Variants in ADAM12 observed in about 807,000 individuals in gnomAD.
ADAM12 encodes the protein disintegrin and metalloproteinase domain-containing protein 12.
In ADAM12, 70 loss-of-function variants were observed where a neutral mutation model predicts 106.4. That is an observed-to-expected ratio of 0.66 (90% CI 0.54 to 0.80). The LOEUF (loss-of-function observed/expected upper bound fraction) is 0.80. Ranked by LOEUF, ADAM12 falls within the 30% of genes least tolerant of loss-of-function variation. The probability of loss-of-function intolerance (pLI) is 0.00; values close to 1 mark genes in which losing one functional copy is unlikely to be tolerated. For synonymous variants in ADAM12, 420 were observed against 433.5 expected (o/e 0.97, Z 0.39); for missense variants, 1,010 against 1,171.9 (o/e 0.86, Z 2.02).
intron 2 of ADAM12, among the ~76,000 whole-genome samples, chr10:126,323,381 G>T (rs377695240): frequency 6.6e-6 from 1 of 152,218 alleles, no homozygotes; most frequent in African/African-American, 2.4e-5. Context: ...TTGGGGCGGT[G>T]TCCCAGGTAA....
intron 5 of ADAM12, among the ~76,000 whole-genome samples, chr10:126,120,486 C>T (rs964765481): frequency 1.3e-5 from 2 of 152,068 alleles, no homozygotes; most frequent in Non-Finnish European, 2.9e-5. Context: ...GAACAGACAA[C>T]GGTTTATGAC....
At position 126,296,768 on chromosome 10, in the gene ADAM12, T is replaced by C. The variant is rs1960399994; in HGVS notation, c.187-17780A>G. Among the ~76,000 whole-genome samples the C allele has an allele frequency of 3.9e-5, 6 of 152,356 alleles. No individual in the cohort carries two copies. The South Asian group carries it at 1.2e-3, about 32-fold the overall frequency. Reference sequence around the variant, plus strand: ...TGTCATCTAAAATGACCCCTCACTCTTTTTAATATGAACTGCTATTATACC... The same window carrying C: ...TGTCATCTAAAATGACCCCTCACTCCTTTTAATATGAACTGCTATTATACC... On this transcript the variant is annotated intron_variant, in intron 2 of 22. Coordinates refer to ENST00000448723, the MANE Select transcript of ADAM12 (RefSeq NM_001288973.2).
rs79476199 is a variant in ADAM12 at position 126,044,634 on chromosome 10, G to A, written c.1995+1421C>T. On this transcript the variant is annotated intron_variant, in intron 17 of 22. Transcript: ENST00000448723. ...CATATTTTAAGGCAAAATAAAATGCGTAGAGTATATGTCTCCCATGTAATG... is the reference window on the plus strand; with the variant it reads ...CATATTTTAAGGCAAAATAAAATGCATAGAGTATATGTCTCCCATGTAATG... Among the ~76,000 whole-genome samples the A allele has an allele frequency of 2.4e-4, 37 of 152,312 alleles. 2 individuals carry two copies. The East Asian group carries it at 5.8e-3, about 24-fold the overall frequency.
At chr10:126,144,656 GC>G (rs1234525832) in intron 4 of ADAM12, among the ~76,000 whole-genome samples, 1 of 152,118 alleles carries the variant, frequency 6.6e-6, no homozygotes, top group Non-Finnish European at 1.5e-5. Context: ...GACCTATAGG[GC>G]CATTTGCAAT....
chr10:126,113,476 A>T (rs1325767925), intron 6 of ADAM12, among the ~76,000 whole-genome samples: 1 of 150,628 alleles, frequency 6.6e-6, no homozygotes, highest in African/African-American at 2.5e-5. Context: ...CCTGATCAAC[A>T]TGGTAAAACC....
chr10:126,063,478 C>T (rs1206102893), intron 14 of ADAM12, among the ~76,000 whole-genome samples: 1 of 152,190 alleles, frequency 6.6e-6, no homozygotes, highest in Non-Finnish European at 1.5e-5. Flanking sequence ...CCTCATCACT[C>T]CTAAAACCAA....
chr10:126,293,304 C>A (rs1251222733), intron 2 of ADAM12, among the ~76,000 whole-genome samples: 1 of 152,142 alleles, frequency 6.6e-6, no homozygotes, highest in Non-Finnish European at 1.5e-5. Flanking sequence ...TAACTAGAGG[C>A]CACCAATTCT....
At position 126,279,365 on chromosome 10, in the gene ADAM12, A is replaced by C. The variant is rs979591862; in HGVS notation, c.187-377T>G. 9.9e-4 allele frequency among the ~76,000 whole-genome samples: 151 copies of C among 151,870 alleles called. 1 individual carries two copies. Among genetic ancestry groups the C allele is most frequent in the Non-Finnish European group, 8.1e-4 (55 of 67,986 alleles). On this transcript the variant is annotated intron_variant, in intron 2 of 22. Coordinates refer to ENST00000448723, the MANE Select transcript of ADAM12 (RefSeq NM_001288973.2). ...GAGATCACTTGAGCCTAGGAGTTCG[A>C]GGCTGCAGTGAGCTATGGTCACGCC...
chr10:126,105,138 G>A (rs963613504), intron 8 of ADAM12, among the ~76,000 whole-genome samples: 1 of 152,068 alleles, frequency 6.6e-6, no homozygotes, highest in South Asian at 2.1e-4. Context: ...CAGCCAGGCC[G>A]GCAAACTCCA....
intron 3 of ADAM12, among the ~76,000 whole-genome samples, chr10:126,159,085 A>G (rs1041535179): frequency 5.9e-5 from 9 of 152,134 alleles, no homozygotes; most frequent in South Asian, 2.1e-4. Flanking sequence ...CAAGGCGGGC[A>G]GATCACGAGG....
chr10:126,380,572 C>T lies in ADAM12; in HGVS notation c.88+7486G>A, dbSNP rs143235452. The stretch of plus-strand genomic sequence containing the variant: ...GAGATAGTGCACGCAAAGACCTGCG[C>T]ACCGCTCCTGGCACTGACGCACTCG... On this transcript the variant is annotated intron_variant, in intron 1 of 22. Transcript: ENST00000448723. Among the ~76,000 whole-genome samples, 274 of 152,294 alleles carry T rather than the reference C, an allele frequency of 1.8e-3. 2 individuals are homozygous for T. Among genetic ancestry groups the T allele is most frequent in the African/African-American group, 6.3e-3 (261 of 41,574 alleles).
intron 1 of ADAM12, among the ~76,000 whole-genome samples, chr10:126,355,597 T>C (rs767875593): frequency 1.3e-5 from 2 of 152,226 alleles, no homozygotes; most frequent in Non-Finnish European, 2.9e-5. Context: ...TCATTCAGCA[T>C]GGTGCCACAC....
chr10:126,186,327 C>T (rs139001572), intron 3 of ADAM12, among the ~76,000 whole-genome samples: 9 of 152,198 alleles, frequency 5.9e-5, no homozygotes, highest in East Asian at 1.9e-4. Context: ...AGTCTATTGC[C>T]GGAGAACAGC....
chr10:126,351,163 C>G (rs1855340682), intron 1 of ADAM12, among the ~76,000 whole-genome samples: 1 of 152,198 alleles, frequency 6.6e-6, no homozygotes, highest in Admixed American at 6.5e-5. Flanking sequence ...CAGCCCAAAG[C>G]TGGCACCAGA....
chr10:126,135,684 C>T (rs1200275417), intron 4 of ADAM12, 24 bp from the exon 5 acceptor site: 2 of 1,600,628 alleles, frequency 1.2e-6, no homozygotes, highest in East Asian at 4.5e-5. Flanking sequence ...GGAGAGAATC[C>T]CATTTCAGTT....
At chr10:126,075,840 G>A (rs1239784233) in intron 11 of ADAM12, among the ~76,000 whole-genome samples, 1 of 152,208 alleles carries the variant, frequency 6.6e-6, no homozygotes, top group Non-Finnish European at 1.5e-5. Flanking sequence ...TGCTGATGGT[G>A]AGAAGATCCC....
intron 14 of ADAM12, among the ~76,000 whole-genome samples, chr10:126,054,672 G>A (rs75911726): frequency 0.076 from 11,573 of 152,228 alleles, 579 homozygotes; most frequent in South Asian, 0.21. Context: ...TGTCCAAAAG[G>A]CCTTGTTGTA....
chr10:126,110,489 A>G (rs1175059178), intron 6 of ADAM12, among the ~76,000 whole-genome samples: 1 of 152,164 alleles, frequency 6.6e-6, no homozygotes, highest in Non-Finnish European at 1.5e-5. Flanking sequence ...AGAAAAAAAA[A>G]AGAGCAAAGA....
chr10:126,339,888 T>C (rs1172814107), intron 1 of ADAM12, among the ~76,000 whole-genome samples: 13 of 136,282 alleles, frequency 9.5e-5, no homozygotes, highest in African/African-American at 3.3e-4. Flanking sequence ...AGAGTCTTGC[T>C]CTCTCACCCA....
Sources: allele counts gnomAD v4.1 joint callset (sites outside exome capture counted in the v4.1 genomes callset), GRCh38; gene constraint gnomAD v4.1.1; transcripts MANE v1.5; gene names NCBI Gene and HGNC (gene_info 2026-07-23, HGNC 2026-07-21).